Variants in SGCE observed in about 807,000 individuals in gnomAD.
SGCE encodes epsilon-sarcoglycan.
In SGCE, 26 loss-of-function variants were observed where a neutral mutation model predicts 57.8. That is an observed-to-expected ratio of 0.45 (90% confidence interval 0.33 to 0.62). SGCE has a LOEUF of 0.62. SGCE is among the 20% of genes least tolerant of loss of function. The probability of loss-of-function intolerance (pLI) is 0.02; values close to 1 mark genes in which losing one functional copy is unlikely to be tolerated. For missense variants in SGCE, 468 were observed against 548.6 expected (o/e 0.85, Z 1.47); for synonymous variants, 183 against 189.5 (o/e 0.97, Z 0.28).
At chr7:94,587,329 T>A in intron 10 of SGCE, 1 of 1,004,402 alleles carries the variant, frequency 1.0e-6, no homozygotes, top group Non-Finnish European at 1.2e-6. Flanking sequence ...GTAAGTAAAA[T>A]CTGGATTTTT....
intron 9 of SGCE, among the ~76,000 whole-genome samples, chr7:94,594,756 C>T (rs1798158922): frequency 6.6e-6 from 1 of 151,986 alleles, no homozygotes; most frequent in Admixed American, 6.6e-5. Context: ...ACAATCATTC[C>T]AAAATAAAAA....
chr7:94,606,776 G>A (rs899621660), intron 5 of SGCE, among the ~76,000 whole-genome samples: 4 of 151,984 alleles, frequency 2.6e-5, no homozygotes, highest in South Asian at 2.1e-4. Context: ...CTCAGACCCC[G>A]GTAGAATTAA....
At chr7:94,649,515 G>A (rs530047010) in intron 1 of SGCE, among the ~76,000 whole-genome samples, 1 of 152,292 alleles carries the variant, frequency 6.6e-6, no homozygotes, top group East Asian at 1.9e-4. Flanking sequence ...TAGATCAGCT[G>A]AGCGTTGACA....
In SGCE at chr7:94,650,322, C is replaced by T. The variant is rs150738433; in HGVS notation, c.109+5668G>A. On this transcript the variant is annotated intron_variant, in intron 1 of 10. Transcript: ENST00000648936. ...AGCTCCAGCAGCCAGCCTGCCCCCT[C>T]TAGCCCTAGGTACCCTCGGCATCCA... 7.1e-3 allele frequency among the ~76,000 whole-genome samples: 1,077 copies of T among 152,330 alleles called. 9 individuals carry two copies. Among genetic ancestry groups the T allele is most frequent in the Middle Eastern group, 0.044 (13 of 294 alleles).
chr7:94,629,586 C>T, intron 2 of SGCE, 133 bp downstream of exon 2: 2 of 821,768 alleles, frequency 2.4e-6, no homozygotes, highest in Non-Finnish European at 4.0e-6. Context: ...GAGAAATATC[C>T]TACAACAATT....
intron 3 of SGCE, chr7:94,627,444 G>A (rs145390091): frequency 6.6e-6 from 1 of 152,036 alleles, no homozygotes; most frequent in African/African-American, 2.4e-5. Context: ...AAACGTACCA[G>A]GATGGCTTAC....
chr7:94,603,605 A>G (rs1799613819), intron 5 of SGCE, among the ~76,000 whole-genome samples, 153 bp from the exon 6 acceptor site: 2 of 152,144 alleles, frequency 1.3e-5, no homozygotes, highest in Non-Finnish European at 2.9e-5. Flanking sequence ...ACAATGATTC[A>G]TGTAGGGGCT....
chr7:94,597,606 AGCCATT>A (rs1247540142), intron 9 of SGCE: 1 of 152,278 alleles, frequency 6.6e-6, no homozygotes, highest in Non-Finnish European at 1.5e-5. Flanking sequence ...TTTTCTGCAT[AGCCATT>A]CCATCTATAA....
At position 94,603,393 on chromosome 7, in the gene SGCE, T is replaced by C; in HGVS notation, c.722A>G (p.Asn241Ser). Residue 241 changes from asparagine (N) to serine (S), a missense_variant, in exon 6 of 11, where the codon AAT (asparagine) becomes AGT (serine). Coordinates refer to ENST00000648936, the MANE Select transcript of SGCE (RefSeq NM_003919.3). ...ACTACATCTCAATTGATTCTGTGGA[T>C]TTTCAACTTCTCGTAAACAAGAAGA... The part of the protein sequence containing the change: ...PFSSCLREVE[N>S]PQNQLRCSQE... 1 of 1,613,310 alleles carries C rather than the reference T, an allele frequency of 6.2e-7. No individual in the cohort carries two copies. Among genetic ancestry groups the C allele is most frequent in the African/African-American group, 1.3e-5 (1 of 75,014 alleles).
chr7:94,599,931 A>G, intron 7 of SGCE: 1 of 412,332 alleles, frequency 2.4e-6, no homozygotes, highest in South Asian at 7.0e-5. Context: ...ACATAGAAAA[A>G]TGAAAAAAAT....
chr7:94,616,151 G>A (rs1801904565), intron 5 of SGCE, among the ~76,000 whole-genome samples: 1 of 152,132 alleles, frequency 6.6e-6, no homozygotes, highest in East Asian at 1.9e-4. Flanking sequence ...AGATGCTGCA[G>A]GTTGGGCTCA....
In SGCE at chr7:94,598,982, A is replaced by C. The variant is rs1798820848; in HGVS notation, c.1065-19T>G. On this transcript the variant is annotated intron_variant, in intron 8 of 10. Transcript: ENST00000648936. The stretch of plus-strand genomic sequence containing the variant: ...TTGGATGCTAGGTCAAAAAGAAATA[A>C]AACAACATATATTTAAAATCATATA... 1 of 1,594,588 alleles carries C rather than the reference A, an allele frequency of 6.3e-7. No homozygotes were observed.
At chr7:94,654,720 G>T (rs1235765409) in intron 1 of SGCE, among the ~76,000 whole-genome samples, 1 of 152,146 alleles carries the variant, frequency 6.6e-6, no homozygotes, top group East Asian at 1.9e-4. Flanking sequence ...TGTCTGCAAC[G>T]TTGTTATGAC....
intron 9 of SGCE, chr7:94,598,499 A>C (rs779273487): frequency 2.6e-6 from 1 of 385,702 alleles, no homozygotes; most frequent in Non-Finnish European, 4.7e-6. Context: ...TCTTTGAGCA[A>C]ACATGTAATG....
rs763703803 is a variant in SGCE at position 94,587,782 on chromosome 7, A to C, written c.1297+907T>G. ...GAACAATTTCATTATACTTGCCTCA[A>C]ATCTTTGAAAAGTTGTCAAACGAAA... On this transcript the variant is annotated intron_variant, in intron 10 of 10. Coordinates refer to ENST00000648936, the MANE Select transcript of SGCE (RefSeq NM_003919.3). 4.5e-6 allele frequency: 7 copies of C among 1,547,978 alleles called. No homozygotes were observed. The African/African-American group carries it at 5.5e-5, about 12-fold the overall frequency.
chr7:94,625,455 T>G (rs112047800), intron 3 of SGCE: 4 of 152,060 alleles, frequency 2.6e-5, no homozygotes, highest in Admixed American at 2.0e-4. Flanking sequence ...TGAACTCTTA[T>G]GAAACCATCC....
chr7:94,599,044 A>G (rs1798830588), intron 8 of SGCE, 81 bp from the exon 9 acceptor site: 7 of 1,025,620 alleles, frequency 6.8e-6, no homozygotes, highest in Non-Finnish European at 1.0e-5. Flanking sequence ...AAACTTATGA[A>G]GTATTTTTAT....
chr7:94,599,635 T>C lies in SGCE; in HGVS notation c.1064+62A>G, dbSNP rs886083361. 24 of 1,304,964 alleles carry C rather than the reference T, an allele frequency of 1.8e-5. No individual in the cohort carries two copies. The Admixed American group carries it at 2.5e-4, about 14-fold the overall frequency. The allele number at this position is 1,304,964 out of a possible 1,614,324, so 80.8% of individuals were successfully genotyped here. ...AAGCTTGACACACATGTATGGAGCA[T>C]GATGGGCAACTGAGAGGTGGGAAAA... is the stretch of plus-strand genomic sequence containing the variant. On this transcript the variant is annotated intron_variant, in intron 8 of 10. Transcript: ENST00000648936.
At chr7:94,626,131 T>C (rs994926982) in intron 3 of SGCE, 1 of 152,128 alleles carries the variant, frequency 6.6e-6, no homozygotes, top group Non-Finnish European at 1.5e-5. Flanking sequence ...TAGTGAAATA[T>C]CTGTTTCTTA....
Sources: allele counts gnomAD v4.1 joint callset (sites outside exome capture counted in the v4.1 genomes callset), GRCh38; gene constraint gnomAD v4.1.1; transcripts MANE v1.5; gene names NCBI Gene and HGNC (gene_info 2026-07-23, HGNC 2026-07-21).